Variants in SYTL3 observed in about 807,000 individuals in gnomAD.
SYTL3 encodes the protein synaptotagmin like 3.
In SYTL3, 88 loss-of-function variants were observed where a neutral mutation model predicts 82.1. The ratio of observed to expected loss-of-function variants is 1.07; its 90% CI spans 0.90 to 1.28. The LOEUF (loss-of-function observed/expected upper bound fraction) is 1.28. Among genes scored for constraint, SYTL3 ranks in the 50% most tolerant of loss-of-function variants. SYTL3 has a pLI of 0.00. For synonymous variants in SYTL3, 311 were observed against 289.4 expected (o/e 1.07, Z -0.76); for missense variants, 831 against 757.6 (o/e 1.10, Z -1.14).
chr6:158,726,196 C>T (rs1338098071), intron 11 of SYTL3: 1 of 428,252 alleles, frequency 2.3e-6, no homozygotes, highest in Non-Finnish European at 4.6e-6. Flanking sequence ...CCATACTTAG[C>T]AAAGCTGAAT....
At chr6:158,739,028 C>A (rs1428538010) in intron 11 of SYTL3, among the ~76,000 whole-genome samples, 2 of 152,230 alleles carry the variant, frequency 1.3e-5, no homozygotes, top group Non-Finnish European at 2.9e-5. Context: ...ACACAGCCCT[C>A]CCTGTCTGGC....
At chr6:158,721,731 C>A (rs773644477) in intron 10 of SYTL3, among the ~76,000 whole-genome samples, 1 of 152,244 alleles carries the variant, frequency 6.6e-6, no homozygotes, top group East Asian at 1.9e-4. Flanking sequence ...CTCCCCAGTT[C>A]AAGTGATTCT....
chr6:158,726,617 G>T (rs1384465437), intron 11 of SYTL3: 2 of 238,556 alleles, frequency 8.4e-6, no homozygotes, highest in Non-Finnish European at 9.0e-6. Flanking sequence ...CCTCTGGATG[G>T]GAAGTGATCT....
chr6:158,754,779 T>C (rs1788855415), intron 13 of SYTL3, among the ~76,000 whole-genome samples: 1 of 152,134 alleles, frequency 6.6e-6, no homozygotes, highest in Non-Finnish European at 1.5e-5. Flanking sequence ...GTAGTCCTAT[T>C]GACAGAAAGG....
In SYTL3 at chr6:158,731,795, G is replaced by A. The variant is rs1230321569; in HGVS notation, c.855+6158G>A. ...TTTTTAGTAGAGACGGGGTTTCACC[G>A]TGTTAGCCAGGATGATCTTGATCTC... On this transcript the variant is annotated intron_variant, in intron 11 of 17. Transcript: ENST00000611299. 9.9e-5 allele frequency among the ~76,000 whole-genome samples: 15 copies of A among 152,176 alleles called. 1 individual carries two copies. The highest frequency in any genetic ancestry group is 1.9e-4 in the East Asian group (1 of 5,172).
At chr6:158,684,771 G>A (rs1462237721) in intron 6 of SYTL3, among the ~76,000 whole-genome samples, 4 of 149,278 alleles carry the variant, frequency 2.7e-5, no homozygotes. Context: ...GATTTGGTTG[G>A]TACTAAATTA....
At chr6:158,711,564 C>T (rs967971030) in intron 8 of SYTL3, among the ~76,000 whole-genome samples, 5 of 152,222 alleles carry the variant, frequency 3.3e-5, no homozygotes, top group South Asian at 2.1e-4. Context: ...CCCCAAGAAA[C>T]GGTTCTTGAA....
chr6:158,722,656 A>C (rs1163506686), intron 10 of SYTL3, among the ~76,000 whole-genome samples: 1 of 151,850 alleles, frequency 6.6e-6, no homozygotes, highest in Non-Finnish European at 1.5e-5. Context: ...CCATAAAAAC[A>C]TGCACCTGTT....
chr6:158,703,798 TAA>T (rs1781600711), intron 6 of SYTL3, among the ~76,000 whole-genome samples: 2 of 147,078 alleles, frequency 1.4e-5, no homozygotes, highest in South Asian at 4.4e-4. Context: ...TCCTGTGAAC[TAA>T]GAGTGGGTTT....
chr6:158,695,535 C>G (rs1310468161), intron 6 of SYTL3, among the ~76,000 whole-genome samples: 2 of 152,076 alleles, frequency 1.3e-5, no homozygotes, highest in African/African-American at 4.8e-5. Context: ...AAAATTGTGG[C>G]AAAATATGCA....
chr6:158,686,074 GTGTT>G (rs1402307596), intron 6 of SYTL3, among the ~76,000 whole-genome samples: 1 of 152,190 alleles, frequency 6.6e-6, no homozygotes, highest in Non-Finnish European at 1.5e-5. Flanking sequence ...GTATGTGTGT[GTGTT>G]TGTGCACACA....
intron 11 of SYTL3, among the ~76,000 whole-genome samples, chr6:158,736,223 T>C (rs1337416407): frequency 1.9e-4 from 28 of 150,862 alleles, no homozygotes; most frequent in African/African-American, 6.1e-4. Context: ...TTGTGGCGGG[T>C]GCCTGTAATC....
At chr6:158,704,383 A>G (rs1781718909) in intron 6 of SYTL3, among the ~76,000 whole-genome samples, 1 of 152,244 alleles carries the variant, frequency 6.6e-6, no homozygotes, top group Non-Finnish European at 1.5e-5. Flanking sequence ...AGGGGGCAGC[A>G]GAAAGCCACG....
At chr6:158,688,260 G>A (rs1230156559) in intron 6 of SYTL3, among the ~76,000 whole-genome samples, 1 of 152,114 alleles carries the variant, frequency 6.6e-6, no homozygotes, top group Non-Finnish European at 1.5e-5. Context: ...ATTTTGACAT[G>A]TCTGTTTATT....
chr6:158,699,400 T>C (rs985378449), intron 6 of SYTL3, among the ~76,000 whole-genome samples: 17 of 152,236 alleles, frequency 1.1e-4, no homozygotes, highest in African/African-American at 4.1e-4. Context: ...CATCCATGTA[T>C]AGGGATTTGT....
intron 13 of SYTL3, among the ~76,000 whole-genome samples, chr6:158,753,628 A>G (rs905554778): frequency 3.3e-5 from 5 of 150,936 alleles, no homozygotes; most frequent in African/African-American, 7.3e-5. Context: ...TACTTGGGAG[A>G]CTGAGGCAGG....
At chr6:158,673,479 G>A (rs1157988535) in intron 5 of SYTL3, among the ~76,000 whole-genome samples, 1 of 136,774 alleles carries the variant, frequency 7.3e-6, no homozygotes, top group Non-Finnish European at 1.5e-5. Context: ...TTGCTCTGTT[G>A]CCCAGGCTAG....
At chr6:158,665,001 A>G (rs981881045) in intron 4 of SYTL3, among the ~76,000 whole-genome samples, 1 of 152,114 alleles carries the variant, frequency 6.6e-6, no homozygotes. Flanking sequence ...AGATTATTCC[A>G]TGCCTTGCAG....
intron 11 of SYTL3, among the ~76,000 whole-genome samples, chr6:158,735,337 G>C (rs1786009296): frequency 6.6e-6 from 1 of 152,012 alleles, no homozygotes; most frequent in African/African-American, 2.4e-5. Flanking sequence ...TACACACATG[G>C]ATGATGTTAA....
Sources: allele counts gnomAD v4.1 joint callset (sites outside exome capture counted in the v4.1 genomes callset), GRCh38; gene constraint gnomAD v4.1.1; transcripts MANE v1.5; gene names NCBI Gene and HGNC (gene_info 2026-07-23, HGNC 2026-07-21).